The following PARD3 variants were observed in gnomAD, a reference collection of about 807,000 sequenced individuals.
PARD3 encodes partitioning defective 3 homolog.
PARD3 carries 75 observed loss-of-function variants against 155.4 expected under a neutral mutation model. The ratio of observed to expected loss-of-function variants is 0.48; its 90% CI spans 0.40 to 0.58. PARD3 has a LOEUF of 0.58. Among genes scored for constraint, PARD3 ranks in the 20% least tolerant of loss-of-function variants. PARD3 has a pLI of 0.00. For synonymous variants in PARD3, 576 were observed against 610.5 expected (o/e 0.94, Z 0.83); for missense variants, 1,642 against 1,721.7 (o/e 0.95, Z 0.82).
At chr10:34,534,222 T>C (rs898357098) in intron 2 of PARD3, among the ~76,000 whole-genome samples, 23 of 148,196 alleles carry the variant, frequency 1.6e-4, no homozygotes, top group Non-Finnish European at 3.3e-4. Context: ...GCAGAGATTG[T>C]GCCACTGCAC....
chr10:34,207,623 T>G (rs662090), intron 22 of PARD3, among the ~76,000 whole-genome samples: 1 of 151,968 alleles, frequency 6.6e-6, no homozygotes, highest in African/African-American at 2.4e-5. Context: ...AAATGTGTAC[T>G]CTACCTTTTC....
chr10:34,560,161 T>C (rs989817328), intron 2 of PARD3, among the ~76,000 whole-genome samples: 9 of 152,210 alleles, frequency 5.9e-5, no homozygotes, highest in Admixed American at 5.9e-4. Context: ...AAACCATAGC[T>C]AACCATAATT....
intron 2 of PARD3, among the ~76,000 whole-genome samples, chr10:34,524,500 CTAAT>C (rs1010116793): frequency 1.1e-4 from 16 of 152,180 alleles, no homozygotes; most frequent in African/African-American, 3.6e-4. Flanking sequence ...AGCCTTCAGA[CTAAT>C]TAGATTCCCA....
intron 7 of PARD3, among the ~76,000 whole-genome samples, chr10:34,393,771 T>C (rs982246436): frequency 1.3e-5 from 2 of 151,720 alleles, no homozygotes; most frequent in Non-Finnish European, 2.9e-5. Context: ...TTGTTTTCCA[T>C]AGGGGAAAAG....
intron 15 of PARD3, among the ~76,000 whole-genome samples, chr10:34,342,606 C>CA (rs1426967825): frequency 1.3e-5 from 2 of 152,006 alleles, no homozygotes; most frequent in Non-Finnish European, 1.5e-5. Flanking sequence ...GATCTTGATG[C>CA]AAAAAATTAG....
At chr10:34,183,566 G>C (rs1399303552) in intron 22 of PARD3, among the ~76,000 whole-genome samples, 2 of 152,112 alleles carry the variant, frequency 1.3e-5, no homozygotes, top group Admixed American at 6.5e-5. Flanking sequence ...CTTCTCACCA[G>C]GTGTACCAAG....
chr10:34,656,268 G>A (rs2093163824), intron 2 of PARD3, among the ~76,000 whole-genome samples: 1 of 152,050 alleles, frequency 6.6e-6, no homozygotes, highest in Admixed American at 6.6e-5. Context: ...TATCTGAAAT[G>A]CATGTCAGTT....
intron 2 of PARD3, among the ~76,000 whole-genome samples, chr10:34,538,933 C>A (rs2083411263): frequency 6.6e-6 from 1 of 152,290 alleles, no homozygotes. Flanking sequence ...GCCTTGTCCA[C>A]AATTCCAAAA....
At chr10:34,413,144 TACACACAC>T (rs146779470) in intron 5 of PARD3, among the ~76,000 whole-genome samples, 32,372 of 145,846 alleles carry the variant, frequency 0.22, 4,391 homozygotes, top group South Asian at 0.41. Context: ...CAGATATATA[TACACACAC>T]ACACACACAC....
intron 3 of PARD3, among the ~76,000 whole-genome samples, chr10:34,475,689 T>C (rs1477235434): frequency 6.6e-6 from 1 of 152,248 alleles, no homozygotes; most frequent in Non-Finnish European, 1.5e-5. Context: ...AATCACATGT[T>C]AATATCTCTG....
intron 7 of PARD3, among the ~76,000 whole-genome samples, chr10:34,392,847 G>A (rs1013925253): frequency 5.3e-5 from 8 of 152,092 alleles, no homozygotes; most frequent in African/African-American, 1.9e-4. Flanking sequence ...AAACAGAGGT[G>A]AAGAAGTTTT....
intron 2 of PARD3, among the ~76,000 whole-genome samples, chr10:34,654,471 T>G (rs1468182737): frequency 6.6e-6 from 1 of 152,224 alleles, no homozygotes; most frequent in Non-Finnish European, 1.5e-5. Context: ...GAATCCAAGC[T>G]GCACTGCCTG....
intron 23 of PARD3, among the ~76,000 whole-genome samples, chr10:34,129,492 ACTGAGGCC>A (rs1947473638): frequency 6.6e-6 from 1 of 152,160 alleles, no homozygotes; most frequent in African/African-American, 2.4e-5. Context: ...AGATAAGAAA[ACTGAGGCC>A]GGAAGAGCCA....
At chr10:34,490,826 C>T (rs1209371989) in intron 3 of PARD3, among the ~76,000 whole-genome samples, 1 of 152,186 alleles carries the variant, frequency 6.6e-6, no homozygotes, top group Non-Finnish European at 1.5e-5. Context: ...TAACACTTCA[C>T]CAGTCATTAA....
intron 18 of PARD3, among the ~76,000 whole-genome samples, chr10:34,332,182 T>C (rs899255468): frequency 6.6e-6 from 1 of 152,188 alleles, no homozygotes; most frequent in Admixed American, 6.6e-5. Context: ...TTGGCTCTAT[T>C]TCCTGAGGAT....
intron 3 of PARD3, among the ~76,000 whole-genome samples, chr10:34,512,075 G>T (rs2081432184): frequency 6.6e-6 from 1 of 152,110 alleles, no homozygotes; most frequent in Non-Finnish European, 1.5e-5. Context: ...AATTTGGGGG[G>T]ACACATTAAG....
chr10:34,219,458 C>G (rs59441337), intron 22 of PARD3, among the ~76,000 whole-genome samples: 5,910 of 152,268 alleles, frequency 0.039, 377 homozygotes, highest in African/African-American at 0.13. Context: ...GTATGCACCC[C>G]CCTCTTAATT....
chr10:34,338,218 C>T (rs1469294942), intron 16 of PARD3, among the ~76,000 whole-genome samples: 2 of 152,190 alleles, frequency 1.3e-5, no homozygotes, highest in Non-Finnish European at 2.9e-5. Flanking sequence ...GTGGCTCAAG[C>T]GGGCATGATA....
intron 1 of PARD3, among the ~76,000 whole-genome samples, chr10:34,813,675 T>G (rs1283398795): frequency 6.6e-6 from 1 of 152,236 alleles, no homozygotes; most frequent in Non-Finnish European, 1.5e-5. Context: ...TAAAAAGCTT[T>G]TACTTCTTAA....
Sources: allele counts gnomAD v4.1 joint callset (sites outside exome capture counted in the v4.1 genomes callset), GRCh38; gene constraint gnomAD v4.1.1; transcripts MANE v1.5; gene names NCBI Gene and HGNC (gene_info 2026-07-23, HGNC 2026-07-21).